The following SPG11 variants were observed in gnomAD, a reference collection of about 807,000 sequenced individuals.
SPG11 encodes SPG11 vesicle trafficking associated, spatacsin.
Under a neutral mutation model 274.0 loss-of-function variants are expected in SPG11, and 222 were observed. The ratio of observed to expected loss-of-function variants is 0.81; its 90% confidence interval spans 0.73 to 0.91. The LOEUF (loss-of-function observed/expected upper bound fraction) is 0.91, where lower values mean the gene tolerates loss of function less well. SPG11 is among the 40% of genes least tolerant of loss of function. The pLI, the probability that SPG11 is intolerant of heterozygous loss-of-function variation, is 0.00. For synonymous variants in SPG11, 1,144 were observed against 1,039.7 expected, an observed-to-expected ratio of 1.10 and a Z score of -1.93; for missense variants, 3,114 against 2,872.7, an observed-to-expected ratio of 1.08 and a Z score of -1.92.
chr15:44,656,433 G>A (rs2084942289), intron 4 of SPG11, among the ~76,000 whole-genome samples: 1 of 152,164 alleles, frequency 6.6e-6, no homozygotes, highest in African/African-American at 2.4e-5. Flanking sequence ...ACTGTATGAT[G>A]GATCACAGAA....
intron 15 of SPG11, 136 bp from the exon 16 acceptor site, chr15:44,615,702 G>C: frequency 1.3e-6 from 1 of 791,808 alleles, no homozygotes; most frequent in Non-Finnish European, 2.1e-6. Context: ...TACTCTATAT[G>C]TTCTCAGACA....
At chr15:44,615,633 C>A in intron 15 of SPG11, 67 bp from the exon 16 acceptor site, 1 of 1,377,440 alleles carries the variant, frequency 7.3e-7, no homozygotes, top group East Asian at 2.3e-5. Flanking sequence ...AAATCATGCC[C>A]ACAGTTTAGG....
chr15:44,638,712 T>G (rs908219993), intron 7 of SPG11, among the ~76,000 whole-genome samples: 1 of 152,134 alleles, frequency 6.6e-6, no homozygotes, highest in South Asian at 2.1e-4. Context: ...TAATTATTTG[T>G]TGGCCAAGTG....
rs534255954 is a variant in SPG11 at position 44,567,261 on chromosome 15, G to A, written c.6754+163C>T. The A allele has an allele frequency of 2.1e-4, 139 of 653,900 alleles. No individual in the cohort carries two copies. The African/African-American group carries it at 2.5e-3, about 12-fold the overall frequency. The allele number at this position is 653,900 out of a possible 1,614,324, so 40.5% of individuals were successfully genotyped here. Reference sequence around the variant, plus strand: ...AGCTACTTGGGAGGCTGAGGCGGGAGAATCACTTGAACCTGGGAGGCGGAG... The same window carrying A: ...AGCTACTTGGGAGGCTGAGGCGGGAAAATCACTTGAACCTGGGAGGCGGAG... On this transcript the variant is annotated intron_variant, in intron 36 of 39. Transcript: ENST00000261866.
intron 21 of SPG11, 135 bp downstream of exon 21, chr15:44,600,332 T>A: frequency 1.1e-6 from 1 of 898,894 alleles, no homozygotes; most frequent in Non-Finnish European, 1.8e-6. Flanking sequence ...TCACCCAGGC[T>A]AGAGTGCAGT....
chr15:44,621,641 C>T (rs2083754011), intron 14 of SPG11, 118 bp downstream of exon 14: 6 of 1,002,880 alleles, frequency 6.0e-6, no homozygotes, highest in South Asian at 2.8e-5. Context: ...TTTTAAAGAA[C>T]CTGAATATTA....
In SPG11 at chr15:44,569,448, GCAAAT is replaced by G; in HGVS notation, c.6530_6534del (p.Asp2177AlafsTer3). The G allele has an allele frequency of 6.2e-7, 1 of 1,606,770 alleles. No individual in the cohort carries two copies. Among genetic ancestry groups the G allele is most frequent in the Non-Finnish European group, 8.5e-7 (1 of 1,176,048 alleles). On this transcript the variant is annotated frameshift_variant, in exon 35 of 40. Coordinates refer to ENST00000261866, the MANE Select transcript of SPG11 (RefSeq NM_025137.4). LOFTEE classifies it high-confidence loss of function. Reference sequence around the variant, plus strand: ...ACTTCAAAGTAGTGCTTTTTATGCAGCAAATCAAATATGTATGTCATCTCGTTGTA... The same window carrying G: ...ACTTCAAAGTAGTGCTTTTTATGCAGCAAATATGTATGTCATCTCGTTGTA...
chr15:44,566,311 G>A lies in SPG11; in HGVS notation c.6755-6C>T. Reference sequence around the variant, plus strand: ...CCCATCCTTGAGGCTGTCCTCTGTAGGGGAAATAAAGAAGATTTGCCGAGT... The same window carrying A: ...CCCATCCTTGAGGCTGTCCTCTGTAAGGGAAATAAAGAAGATTTGCCGAGT... On this transcript the variant is annotated splice_region_variant and splice_polypyrimidine_tract_variant and intron_variant, in intron 36 of 39. Coordinates refer to ENST00000261866, the MANE Select transcript of SPG11 (RefSeq NM_025137.4). 3 of 1,613,562 alleles carry A rather than the reference G, an allele frequency of 1.9e-6. No individual in the cohort carries two copies. Among genetic ancestry groups the A allele is most frequent in the African/African-American group, 1.3e-5 (1 of 74,962 alleles).
Position 44,613,433 on chromosome 15 carries a change from T to A in SPG11, c.3142A>T (p.Thr1048Ser). The change falls in exon 17 of 40, where the codon ACA (threonine) becomes TCA (serine). Residue 1048 changes from threonine (T) to serine (S), a missense_variant. Thr to Ser is a moderately conservative substitution (Grantham distance 58, BLOSUM62 1). Coordinates refer to ENST00000261866, the MANE Select transcript of SPG11 (RefSeq NM_025137.4). ...VQCRQVASNLTDPKLIFQASL... is the reference protein window; with the variant it reads ...VQCRQVASNLSDPKLIFQASL... ...GTTTAATACAGTATACCCATACCTG[T>A]TAAGTTACTGGCAACTTGTCGACAC... 1 of 1,608,042 alleles carries A rather than the reference T, an allele frequency of 6.2e-7. No homozygotes were observed. Among genetic ancestry groups the A allele is most frequent in the South Asian group, 1.1e-5 (1 of 90,950 alleles).
At chr15:44,587,539 A>G (rs2082793066) in intron 28 of SPG11, among the ~76,000 whole-genome samples, 1 of 151,820 alleles carries the variant, frequency 6.6e-6, no homozygotes, top group South Asian at 2.1e-4. Context: ...AAGATACAAA[A>G]ATTAGCCAGG....
chr15:44,578,150 G>A (rs984400759), intron 30 of SPG11, among the ~76,000 whole-genome samples: 8 of 149,054 alleles, frequency 5.4e-5, no homozygotes, highest in Non-Finnish European at 3.0e-5. Context: ...TCAGCCTCCC[G>A]AGGAGCTGGG....
At chr15:44,612,649 G>C (rs2083491169) in intron 17 of SPG11, among the ~76,000 whole-genome samples, 1 of 152,082 alleles carries the variant, frequency 6.6e-6, no homozygotes, top group Admixed American at 6.5e-5. Context: ...CTTCCACTTT[G>C]CCTCCCAAAG....
intron 7 of SPG11, among the ~76,000 whole-genome samples, chr15:44,644,035 T>C (rs921907401): frequency 6.6e-6 from 1 of 151,434 alleles, no homozygotes; most frequent in African/African-American, 2.4e-5. Context: ...GGTGTGGTGG[T>C]GGGCACCTGT....
intron 12 of SPG11, 51 bp from the exon 13 acceptor site, chr15:44,622,398 T>C (rs1436985911): frequency 7.0e-7 from 1 of 1,425,064 alleles, no homozygotes; most frequent in Non-Finnish European, 9.7e-7. Flanking sequence ...TCAAGCACTT[T>C]TGCAAAAAAT....
Position 44,612,736 on chromosome 15 carries a change from T to C in SPG11, c.3145+694A>G, listed in dbSNP as rs2083493552. 2.6e-5 allele frequency among the ~76,000 whole-genome samples: 4 copies of C among 152,268 alleles called. No homozygotes were observed. The South Asian group carries it at 8.3e-4, about 32-fold the overall frequency. On this transcript the variant is annotated intron_variant, in intron 17 of 39. Transcript: ENST00000261866. ...ATAGTTGTCTGTGGCTTCTAATTTT[T>C]TTTTTTAACAATGAACATATATTAC...
chr15:44,663,577 C>T lies in SPG11; in HGVS notation c.71G>A (p.Arg24Gln), dbSNP rs1239788614. ...TGGCACCAACAGCATCGGTAGAACC[C>T]GCCCCATGGCCGCGGTGCCCCAGCT... Reference protein sequence around the residue: ...GGSWGTAAMGRVLPMLLVPVP... With the variant: ...GGSWGTAAMGQVLPMLLVPVP... Residue 24 changes from arginine to glutamine, a missense_variant, in exon 1 of 40, where the codon CGG (arginine) becomes CAG (glutamine). Coordinates refer to ENST00000261866, the MANE Select transcript of SPG11 (RefSeq NM_025137.4). 2 of 1,596,606 alleles carry T rather than the reference C, an allele frequency of 1.3e-6. No homozygotes were observed. The highest frequency in any genetic ancestry group is 1.7e-6 in the Non-Finnish European group (2 of 1,173,974).
intron 15 of SPG11, among the ~76,000 whole-genome samples, chr15:44,617,720 G>C (rs538571451): frequency 6.6e-6 from 1 of 151,952 alleles, no homozygotes; most frequent in Non-Finnish European, 1.5e-5. Flanking sequence ...CTGTCTCCCA[G>C]GCTGGAGTTC....
At position 44,608,554 on chromosome 15, in the gene SPG11, G is replaced by A. The variant is rs374565265; in HGVS notation, c.3343C>T (p.Leu1115=). Residue 1115 remains leucine, a synonymous_variant, in exon 19 of 40, where the codon CTA becomes TTA. Transcript: ENST00000261866. ...TAAGGAGTTAATGCCATCTTCAATA[G>A]CTGGGGATCCACTTTCTTCAAACAG... ...ENCLKKVDPQ[L]LKMALTPYPK... 40 of 1,614,100 alleles carry A rather than the reference G, an allele frequency of 2.5e-5. 1 individual carries two copies. In the South Asian group the frequency reaches 3.7e-4, roughly 15 times the overall value.
chr15:44,593,213 T>G (rs2082947955), intron 26 of SPG11, among the ~76,000 whole-genome samples: 1 of 152,168 alleles, frequency 6.6e-6, no homozygotes, highest in Admixed American at 6.5e-5. Context: ...TTATTTTTTT[T>G]GAGACATAGC....
Sources: gnomAD v4.1 joint callset for allele counts (sites outside exome capture counted in the v4.1 genomes callset) on GRCh38, gnomAD v4.1.1 for gene constraint, MANE v1.5 for transcripts, NCBI Gene and HGNC (gene_info 2026-07-23, HGNC 2026-07-21) for gene names.